Variants in PRKN observed in about 807,000 individuals in gnomAD.
PRKN encodes parkin RBR E3 ubiquitin protein ligase, also known as E3 ubiquitin-protein ligase parkin.
A neutral mutation model predicts 59.5 loss-of-function variants in PRKN; 56 were observed. The observed-to-expected ratio is 0.94, with a 90% CI of 0.76 to 1.18. The LOEUF (loss-of-function observed/expected upper bound fraction) is 1.18, where lower values mean the gene tolerates loss of function less well. Ranked by LOEUF, PRKN falls within the 50% of genes most tolerant of loss-of-function variation. The probability of loss-of-function intolerance (pLI) is 0.00; values close to 1 mark genes in which losing one functional copy is unlikely to be tolerated. For synonymous variants in PRKN, 250 were observed against 222.1 expected (o/e 1.13, Z -1.12); for missense variants, 657 against 596.4 (o/e 1.10, Z -1.06).
At chr6:162,334,294 T>C (rs1783729388) in intron 2 of PRKN, among the ~76,000 whole-genome samples, 1 of 152,226 alleles carries the variant, frequency 6.6e-6, no homozygotes, top group Non-Finnish European at 1.5e-5. Context: ...TCTGGGACTT[T>C]CATAGCTAGA....
chr6:162,045,521 T>C (rs1784218685), intron 5 of PRKN, among the ~76,000 whole-genome samples: 1 of 152,246 alleles, frequency 6.6e-6, no homozygotes, highest in South Asian at 2.1e-4. Flanking sequence ...ATCGTCTCAG[T>C]TGTGATTTGA....
intron 4 of PRKN, among the ~76,000 whole-genome samples, chr6:162,178,977 T>G (rs1417123519): frequency 6.6e-6 from 1 of 152,108 alleles, no homozygotes; most frequent in African/African-American, 2.4e-5. Flanking sequence ...CCTCGAGCGA[T>G]CCTCCCACCT....
intron 2 of PRKN, among the ~76,000 whole-genome samples, chr6:162,302,170 C>A (rs1165431448): frequency 2.6e-5 from 4 of 152,066 alleles, no homozygotes; most frequent in African/African-American, 9.7e-5. Context: ...CCCCCTCTAC[C>A]ACTTGAGTAA....
Position 162,400,394 on chromosome 6 carries a change from T to C in PRKN, c.171+42916A>G, listed in dbSNP as rs1044410517. Among the ~76,000 whole-genome samples the C allele has an allele frequency of 1.1e-4, 16 of 145,652 alleles. No homozygotes were observed. The East Asian group carries it at 3.2e-3, about 29-fold the overall frequency. Reference sequence around the variant, plus strand: ...CTGGACAGCCAAGCAGAAAGATCAATTCACTTATGTGGAGAAATAAATCAG... The same window carrying C: ...CTGGACAGCCAAGCAGAAAGATCAACTCACTTATGTGGAGAAATAAATCAG... On this transcript the variant is annotated intron_variant, in intron 2 of 11. Transcript: ENST00000366898.
intron 2 of PRKN, among the ~76,000 whole-genome samples, chr6:162,283,092 A>G (rs748857050): frequency 2.8e-4 from 42 of 150,964 alleles, no homozygotes; most frequent in Admixed American, 1.9e-3. Context: ...TTTATGGATG[A>G]TGTTGCCATC....
chr6:162,293,603 C>T (rs948185507), intron 2 of PRKN, among the ~76,000 whole-genome samples: 1 of 152,176 alleles, frequency 6.6e-6, no homozygotes, highest in African/African-American at 2.4e-5. Flanking sequence ...CTTCCTCCAC[C>T]TCAAGCCCGG....
At chr6:162,458,425 T>C (rs1240359317) in intron 1 of PRKN, among the ~76,000 whole-genome samples, 3 of 137,538 alleles carry the variant, frequency 2.2e-5, no homozygotes, top group Non-Finnish European at 4.7e-5. Context: ...AGACTCCATC[T>C]CAAAAAAAAA....
At chr6:162,445,172 C>T (rs1346456973) in intron 1 of PRKN, among the ~76,000 whole-genome samples, 1 of 152,104 alleles carries the variant, frequency 6.6e-6, no homozygotes, top group Non-Finnish European at 1.5e-5. Context: ...ATGTGCCAGA[C>T]ATTGTGCTCT....
chr6:161,940,505 G>T (rs1779522383), intron 6 of PRKN, among the ~76,000 whole-genome samples: 1 of 152,244 alleles, frequency 6.6e-6, no homozygotes. Context: ...ATACCAGAGA[G>T]AAAATTTGCA....
At chr6:162,369,594 A>G (rs1338691548) in intron 2 of PRKN, among the ~76,000 whole-genome samples, 6 of 152,198 alleles carry the variant, frequency 3.9e-5, no homozygotes, top group Admixed American at 3.9e-4. Flanking sequence ...ACTCACAAAG[A>G]GAAAAAAGTA....
At position 162,399,467 on chromosome 6, in the gene PRKN, C is replaced by T. The variant is rs947170662; in HGVS notation, c.171+43843G>A. 7.9e-5 allele frequency among the ~76,000 whole-genome samples: 12 copies of T among 152,212 alleles called. 1 individual carries two copies. Among genetic ancestry groups the T allele is most frequent in the African/African-American group, 2.6e-4 (11 of 41,542 alleles). ...AGGTGGACTACTGCTCTACGCCCCACCACATACAGGACACCCCTCCACAAT... is the reference window on the plus strand; with the variant it reads ...AGGTGGACTACTGCTCTACGCCCCATCACATACAGGACACCCCTCCACAAT... On this transcript the variant is annotated intron_variant, in intron 2 of 11. Coordinates refer to ENST00000366898, the MANE Select transcript of PRKN (RefSeq NM_004562.3).
chr6:162,186,988 C>T (rs1210046621), intron 4 of PRKN, among the ~76,000 whole-genome samples: 1 of 152,146 alleles, frequency 6.6e-6, no homozygotes, highest in Non-Finnish European at 1.5e-5. Context: ...TCAGGTCTGA[C>T]CCGAGTCCCA....
chr6:161,535,016 AAGC>A (rs1224687777), intron 9 of PRKN, among the ~76,000 whole-genome samples: 3 of 152,228 alleles, frequency 2.0e-5, no homozygotes, highest in Non-Finnish European at 1.5e-5. Context: ...GTAACTCCAA[AAGC>A]TTTAGTCTGT....
intron 1 of PRKN, among the ~76,000 whole-genome samples, chr6:162,510,002 C>T (rs906615180): frequency 6.6e-6 from 1 of 152,104 alleles, no homozygotes; most frequent in African/African-American, 2.4e-5. Flanking sequence ...AACAAATCTC[C>T]ACAGCAGTAC....
intron 9 of PRKN, among the ~76,000 whole-genome samples, chr6:161,389,732 A>G (rs1451534564): frequency 6.6e-6 from 1 of 152,210 alleles, no homozygotes. Context: ...GTCTCAGCCC[A>G]CTGCTTTCTA....
chr6:162,187,635 C>T (rs1329871196), intron 4 of PRKN, among the ~76,000 whole-genome samples: 2 of 152,120 alleles, frequency 1.3e-5, no homozygotes, highest in Non-Finnish European at 2.9e-5. Flanking sequence ...CTGGACACTA[C>T]TATGTACTGA....
chr6:161,700,064 C>T (rs886191557), intron 7 of PRKN, among the ~76,000 whole-genome samples: 3 of 151,656 alleles, frequency 2.0e-5, no homozygotes, highest in Admixed American at 6.6e-5. Flanking sequence ...GTTATAAGCC[C>T]TTTAATCACT....
rs568422553 is a variant in PRKN, at chr6:161,794,750, C to T, written c.735-8842G>A. ...TCCTCCTCTTAGTCCTTATTCCCCC[C>T]AAAACTACAAGGTTCAGCTGAGGCG... On this transcript the variant is annotated intron_variant, in intron 6 of 11. Transcript: ENST00000366898. 9.2e-5 allele frequency among the ~76,000 whole-genome samples: 14 copies of T among 152,262 alleles called. No individual in the cohort carries two copies. The East Asian group carries it at 2.5e-3, about 27-fold the overall frequency.
At chr6:162,420,403 G>C (rs1021824558) in intron 2 of PRKN, among the ~76,000 whole-genome samples, 1 of 152,260 alleles carries the variant, frequency 6.6e-6, no homozygotes, top group East Asian at 1.9e-4. Flanking sequence ...CTTGGAATGA[G>C]TGCAAGTTGG....
Sources: gnomAD v4.1 joint callset for allele counts (sites outside exome capture counted in the v4.1 genomes callset) on GRCh38, gnomAD v4.1.1 for gene constraint, MANE v1.5 for transcripts, NCBI Gene and HGNC (gene_info 2026-07-23, HGNC 2026-07-21) for gene names.